SLC25A17: variants seen among roughly 807,000 people sequenced by gnomAD.
SLC25A17 encodes the protein peroxisomal membrane protein PMP34.
Under a neutral mutation model 38.5 loss-of-function variants are expected in SLC25A17, and 26 were observed. The ratio of observed to expected loss-of-function variants is 0.68; its 90% CI spans 0.50 to 0.94. SLC25A17 has a LOEUF of 0.94. SLC25A17 is among the 40% of genes least tolerant of loss of function. SLC25A17 has a pLI of 0.00. For synonymous variants in SLC25A17, 139 were observed against 136.2 expected (o/e 1.02, Z -0.14); for missense variants, 333 against 372.7 (o/e 0.89, Z 0.88).
chr22:40,789,985 C>T lies in SLC25A17; in HGVS notation c.334+2540G>A, dbSNP rs549032972. ...GACAACAGATGATGCTCACAGTCAA[C>T]ACAGACCCGTAGACTCTCCTATGTG... On this transcript the variant is annotated intron_variant, in intron 4 of 8. Coordinates refer to ENST00000435456, the MANE Select transcript of SLC25A17 (RefSeq NM_006358.4). The surrounding 1 kb of genome is among the most constrained non-coding windows in gnomAD (Gnocchi z 4.5). Among the ~76,000 whole-genome samples the T allele has an allele frequency of 5.0e-4, 76 of 151,998 alleles. No homozygotes were observed. Among genetic ancestry groups the T allele is most frequent in the Non-Finnish European group, 9.9e-4 (67 of 67,980 alleles).
rs140992677 is a variant in SLC25A17, at chr22:40,770,863, T to C, written c.895A>G (p.Met299Val). ...TGTTGGTGTGCACGCTTCAGCCCCA[T>C]AACTGTGAAGGTGGCAGCTGTCAGT... Reference protein sequence around the residue: ...EKLTAATFTVMGLKRAHQH With the variant: ...EKLTAATFTVVGLKRAHQH Residue 299 changes from methionine to valine, a missense_variant, in exon 9 of 9, where the codon ATG becomes GTG. Met to Val is a conservative substitution (Grantham distance 21, BLOSUM62 1). Transcript: ENST00000435456. 624 of 1,613,228 alleles carry C rather than the reference T, an allele frequency of 3.9e-4. 1 individual carries two copies. Among genetic ancestry groups the C allele is most frequent in the Non-Finnish European group, 3.9e-4 (460 of 1,179,470 alleles).
chr22:40,814,812 GTTTTGTTTTGGTTTT>G (rs2057621578), intron 1 of SLC25A17, among the ~76,000 whole-genome samples: 1 of 143,130 alleles, frequency 7.0e-6, no homozygotes, highest in Non-Finnish European at 1.5e-5. Flanking sequence ...TTGTTGTTTT[GTTTTGTTTTGGTTTT>G]TTTTGTTTTT....
chr22:40,787,536 T>G (rs896227930), intron 4 of SLC25A17, among the ~76,000 whole-genome samples: 3 of 152,112 alleles, frequency 2.0e-5, no homozygotes, highest in Non-Finnish European at 1.5e-5. Flanking sequence ...TCACAGCAGA[T>G]AAGATATGTC....
rs559160280 is a variant in SLC25A17, at chr22:40,770,297, A to C, written c.*537T>G. The C allele has an allele frequency of 6.6e-6, 1 of 152,340 alleles. No homozygotes were observed. Among genetic ancestry groups the C allele is most frequent in the African/African-American group, 2.4e-5 (1 of 41,584 alleles). The allele number at this position is 152,340 out of a possible 1,614,324, so 9.4% of individuals were successfully genotyped here. A position where few individuals can be genotyped will look rare whatever the true frequency, so the allele number is the denominator to read the frequency against. On this transcript the variant is annotated 3_prime_UTR_variant, in exon 9 of 9. Transcript: ENST00000435456. ...CACAAAATAAATAGCTCATATCCAA[A>C]AAAGACACCTCTCCTTAAGCAGGGA...
intron 1 of SLC25A17, among the ~76,000 whole-genome samples, chr22:40,816,186 G>A (rs1209326868): frequency 1.5e-5 from 2 of 131,798 alleles, no homozygotes; most frequent in African/African-American, 3.0e-5. Context: ...CAACAAGAGC[G>A]AAACTCCATC....
chr22:40,771,725 C>CG (rs1321528487), intron 8 of SLC25A17, among the ~76,000 whole-genome samples: 1 of 151,638 alleles, frequency 6.6e-6, no homozygotes, highest in Non-Finnish European at 1.5e-5. Context: ...AGAGTAGTGG[C>CG]GGGGGGAAGG....
chr22:40,793,902 T>C (rs2145677570), intron 3 of SLC25A17, among the ~76,000 whole-genome samples: 1 of 152,276 alleles, frequency 6.6e-6, no homozygotes, highest in African/African-American at 2.4e-5. Context: ...GACTGTATTG[T>C]TTAAAAGTGT....
rs2057391753 is a variant in SLC25A17, at chr22:40,792,376, CG to C, written c.334+148del. 5 of 619,626 alleles carry C rather than the reference CG, an allele frequency of 8.1e-6. No individual in the cohort carries two copies. The South Asian group carries it at 1.3e-4, about 16-fold the overall frequency. The allele number at this position is 619,626 out of a possible 1,614,324, so 38.4% of individuals were successfully genotyped here. A position where few individuals can be genotyped will look rare whatever the true frequency, so the allele number is the denominator to read the frequency against. ...AATTAACATGGTAAATTTTATGTCA[CG>C]TTTTTTAACACAATTAAAAAAAAAA... On this transcript the variant is annotated intron_variant, in intron 4 of 8. Coordinates refer to ENST00000435456, the MANE Select transcript of SLC25A17 (RefSeq NM_006358.4).
At chr22:40,790,340 C>CAA (rs138301) in intron 4 of SLC25A17, among the ~76,000 whole-genome samples, 95 of 61,034 alleles carry the variant, frequency 1.6e-3, no homozygotes, top group Non-Finnish European at 2.0e-3. Context: ...GACACAATCT[C>CAA]AAAAAAAAAA....
Position 40,789,086 on chromosome 22 carries a change from C to T in SLC25A17, c.334+3439G>A, listed in dbSNP as rs1300917076. 2.8e-5 allele frequency: 8 copies of T among 281,250 alleles called. No homozygotes were observed. Among genetic ancestry groups the T allele is most frequent in the Non-Finnish European group, 5.1e-5 (7 of 137,206 alleles). The allele number at this position is 281,250 out of a possible 1,614,324, so 17.4% of individuals were successfully genotyped here. On this transcript the variant is annotated intron_variant, in intron 4 of 8. Transcript: ENST00000435456. The surrounding 1 kb of genome is among the most constrained non-coding windows in gnomAD (Gnocchi z 4.5). ...ACCATCTTCTGACCATCTCTACTTCCAGCACTGGCCCAACCATAATAAATG... is the reference window on the plus strand; with the variant it reads ...ACCATCTTCTGACCATCTCTACTTCTAGCACTGGCCCAACCATAATAAATG...
At chr22:40,773,378 C>G (rs566051308) in intron 8 of SLC25A17, among the ~76,000 whole-genome samples, 52 of 146,942 alleles carry the variant, frequency 3.5e-4, no homozygotes, top group African/African-American at 1.3e-3. Context: ...CCACTGCACT[C>G]CAGCCCGGGC....
intron 1 of SLC25A17, among the ~76,000 whole-genome samples, chr22:40,816,583 TTTTA>T (rs1289389757): frequency 1.2e-4 from 18 of 151,120 alleles, no homozygotes; most frequent in African/African-American, 4.1e-4. Context: ...TCTACTTATT[TTTTA>T]TTTATTCATT....
intron 8 of SLC25A17, among the ~76,000 whole-genome samples, chr22:40,771,900 A>C (rs1602583132): frequency 6.6e-6 from 1 of 152,284 alleles, no homozygotes; most frequent in East Asian, 1.9e-4. Context: ...TTGAGAGGAT[A>C]GATACCCCAT....
rs897423210 is a variant in SLC25A17 at position 40,776,727 on chromosome 22, T to C, written c.693+313A>G. Reference sequence around the variant, plus strand: ...GCCTGGAAAACATGGTGAGACCCCATCTTCACACAAAAAAATTTTAAATTA... The same window carrying C: ...GCCTGGAAAACATGGTGAGACCCCACCTTCACACAAAAAAATTTTAAATTA... On this transcript the variant is annotated intron_variant, in intron 7 of 8. Coordinates refer to ENST00000435456, the MANE Select transcript of SLC25A17 (RefSeq NM_006358.4). 1.8e-4 allele frequency among the ~76,000 whole-genome samples: 28 copies of C among 152,062 alleles called. 1 individual carries two copies. Among genetic ancestry groups the C allele is most frequent in the Admixed American group, 1.7e-3 (26 of 15,258 alleles).
At chr22:40,771,021 T>G (rs749805109) in intron 8 of SLC25A17, 40 bp from the exon 9 acceptor site, 2 of 1,503,084 alleles carry the variant, frequency 1.3e-6, no homozygotes, top group Non-Finnish European at 1.8e-6. Context: ...AGTCAGCTCC[T>G]GCATCAGAGA....
chr22:40,811,606 G>A (rs1048415309), intron 1 of SLC25A17, among the ~76,000 whole-genome samples: 1 of 151,908 alleles, frequency 6.6e-6, no homozygotes, highest in African/African-American at 2.4e-5. Flanking sequence ...ATCTGCTTCT[G>A]GTGAGGGCCT....
chr22:40,778,605 A>T (rs1602590616), intron 5 of SLC25A17, among the ~76,000 whole-genome samples: 1 of 152,222 alleles, frequency 6.6e-6, no homozygotes. Flanking sequence ...TCTAGGGGAC[A>T]TGTGCACAAC....
chr22:40,779,273 G>C (rs2057275102), intron 4 of SLC25A17, 148 bp from the exon 5 acceptor site: 1 of 1,508,012 alleles, frequency 6.6e-7, no homozygotes, highest in African/African-American at 1.4e-5. Flanking sequence ...TTGTGCCAGG[G>C]TACAACACAA....
chr22:40,818,052 A>G (rs998938461), intron 1 of SLC25A17, among the ~76,000 whole-genome samples: 1 of 152,210 alleles, frequency 6.6e-6, no homozygotes, highest in African/African-American at 2.4e-5. Flanking sequence ...TAAGAAAGTA[A>G]GGTTTACAGG....
Sources: allele counts gnomAD v4.1 joint callset (sites outside exome capture counted in the v4.1 genomes callset), GRCh38; gene constraint gnomAD v4.1.1; non-coding constraint Gnocchi (gnomAD v3.1); transcripts MANE v1.5; gene names NCBI Gene and HGNC (gene_info 2026-07-23, HGNC 2026-07-21).